Variants in MACROD2 observed in about 807,000 individuals in gnomAD.
The protein encoded by MACROD2 is ADP-ribose glycohydrolase MACROD2.
Under a neutral mutation model 70.4 loss-of-function variants are expected in MACROD2, and 36 were observed. That is an observed-to-expected ratio of 0.51 (90% CI 0.39 to 0.68). The LOEUF (loss-of-function observed/expected upper bound fraction) is 0.68. Among genes scored for constraint, MACROD2 ranks in the 30% least tolerant of loss-of-function variants. The probability of loss-of-function intolerance (pLI) is 0.00; values close to 1 mark genes in which losing one functional copy is unlikely to be tolerated. For synonymous variants in MACROD2, 172 were observed against 178.8 expected (o/e 0.96, Z 0.30); for missense variants, 496 against 538.4 (o/e 0.92, Z 0.78).
chr20:14,563,547 A>C (rs1053369380), intron 4 of MACROD2, among the ~76,000 whole-genome samples: 12 of 151,916 alleles, frequency 7.9e-5, no homozygotes, highest in African/African-American at 2.9e-4. Flanking sequence ...AAAATTAGTT[A>C]AACTTTTTAT....
chr20:15,473,754 C>T lies in MACROD2; in HGVS notation c.572-26020C>T, dbSNP rs533571939. 3.3e-5 allele frequency among the ~76,000 whole-genome samples: 5 copies of T among 152,334 alleles called. No individual in the cohort carries two copies. The South Asian group carries it at 1.0e-3, about 32-fold the overall frequency. On this transcript the variant is annotated intron_variant, in intron 7 of 17. Transcript: ENST00000684519. ...ATATCCATCCTGCTCTTAACAGCTT[C>T]CTGACTTGTTTCCTTTCTCTAGTCC...
intron 7 of MACROD2, among the ~76,000 whole-genome samples, chr20:15,448,517 C>T (rs368706687): frequency 6.6e-6 from 1 of 152,012 alleles, no homozygotes; most frequent in African/African-American, 2.4e-5. Flanking sequence ...TTTTCCTCAC[C>T]GTTATGTCCC....
chr20:14,892,435 C>T lies in MACROD2; in HGVS notation c.418+207476C>T, dbSNP rs1455192987. On this transcript the variant is annotated intron_variant, in intron 5 of 17. Transcript: ENST00000684519. ...GGTGGCAGTGACATTGCACTCCAGC[C>T]TCGGCAATAGAGTGAGACTCCATCT... Among the ~76,000 whole-genome samples, 7 of 151,964 alleles carry T rather than the reference C, an allele frequency of 4.6e-5. No individual in the cohort carries two copies. In the South Asian group the frequency reaches 1.2e-3, roughly 27 times the overall value.
chr20:14,315,436 A>G (rs145412692), intron 3 of MACROD2, among the ~76,000 whole-genome samples: 1 of 152,238 alleles, frequency 6.6e-6, no homozygotes, highest in African/African-American at 2.4e-5. Flanking sequence ...CAAATATTTT[A>G]TAAGTGTCCA....
chr20:15,229,817 A>T (rs557825457), intron 5 of MACROD2, 123 bp from the exon 6 acceptor site: 1 of 1,006,618 alleles, frequency 9.9e-7, no homozygotes, highest in African/African-American at 1.7e-5. Flanking sequence ...TCGCCAATGT[A>T]TTGCTTAGCT....
At chr20:14,145,996 G>A (rs2054937623) in intron 3 of MACROD2, among the ~76,000 whole-genome samples, 1 of 151,930 alleles carries the variant, frequency 6.6e-6, no homozygotes, top group Admixed American at 6.6e-5. Flanking sequence ...TCCTTTTTTT[G>A]TAAGACTGGT....
chr20:14,156,211 G>T (rs1010158810), intron 3 of MACROD2, among the ~76,000 whole-genome samples: 3 of 152,082 alleles, frequency 2.0e-5, no homozygotes, highest in African/African-American at 7.2e-5. Flanking sequence ...GATCATCTCT[G>T]TTTTTAAAAA....
intron 3 of MACROD2, among the ~76,000 whole-genome samples, chr20:14,185,376 C>T (rs187814405): frequency 7.6e-4 from 116 of 152,244 alleles, no homozygotes; most frequent in African/African-American, 2.7e-3. Context: ...AGCTACGTTT[C>T]TCCTCAGTGT....
intron 3 of MACROD2, among the ~76,000 whole-genome samples, chr20:14,426,122 G>A (rs1185203162): frequency 1.3e-5 from 2 of 151,932 alleles, no homozygotes; most frequent in Non-Finnish European, 2.9e-5. Flanking sequence ...GTTCTCCCTG[G>A]GGAATTGTCT....
chr20:15,734,652 C>T (rs1332309958), intron 8 of MACROD2, among the ~76,000 whole-genome samples: 2 of 152,132 alleles, frequency 1.3e-5, no homozygotes, highest in Non-Finnish European at 2.9e-5. Flanking sequence ...AAACAAAAAT[C>T]ATCTTCAACA....
At chr20:14,646,844 A>G (rs983858770) in intron 4 of MACROD2, among the ~76,000 whole-genome samples, 4 of 152,078 alleles carry the variant, frequency 2.6e-5, no homozygotes, top group Non-Finnish European at 5.9e-5. Flanking sequence ...TTTCTTTACC[A>G]TGTCGACTTC....
chr20:14,048,034 A>G (rs759661954), intron 2 of MACROD2, among the ~76,000 whole-genome samples: 1 of 151,658 alleles, frequency 6.6e-6, no homozygotes, highest in Non-Finnish European at 1.5e-5. Flanking sequence ...TGCACTGGAT[A>G]CTAAGGAAGA....
chr20:14,616,343 A>G (rs1489248746), intron 4 of MACROD2, among the ~76,000 whole-genome samples: 2 of 152,078 alleles, frequency 1.3e-5, no homozygotes, highest in African/African-American at 4.8e-5. Flanking sequence ...TCCACCTTCT[A>G]TCTTCCTTCT....
intron 2 of MACROD2, among the ~76,000 whole-genome samples, chr20:14,063,570 TTAACA>T (rs758351230): frequency 1.8e-4 from 27 of 152,358 alleles, no homozygotes; most frequent in Middle Eastern, 3.4e-3. Context: ...ACGTAAGTAC[TTAACA>T]TAAACTTTGT....
chr20:14,358,205 A>G (rs1361900618), intron 3 of MACROD2, among the ~76,000 whole-genome samples: 2 of 152,208 alleles, frequency 1.3e-5, no homozygotes, highest in Non-Finnish European at 2.9e-5. Context: ...TTACATATAT[A>G]TAGGATAAAG....
chr20:15,249,779 A>G (rs1237638721), intron 6 of MACROD2, among the ~76,000 whole-genome samples: 1 of 152,228 alleles, frequency 6.6e-6, no homozygotes, highest in Non-Finnish European at 1.5e-5. Flanking sequence ...CAGAATGACA[A>G]TCCATGTGGA....
In MACROD2 at chr20:15,329,144, CTTCT is replaced by C. The variant is rs2077964415; in HGVS notation, c.540+99086_540+99089del. Among the ~76,000 whole-genome samples the C allele has an allele frequency of 2.0e-5, 3 of 152,102 alleles. No homozygotes were observed. In the South Asian group the frequency reaches 6.2e-4, roughly 32 times the overall value. On this transcript the variant is annotated intron_variant, in intron 6 of 17. Transcript: ENST00000684519. ...AGTCTATTCGATTGTGTAAAATATTCTTCTTTATGTTCCTCTGTATTTACCCTTC... is the reference window on the plus strand; with the variant it reads ...AGTCTATTCGATTGTGTAAAATATTCTTATGTTCCTCTGTATTTACCCTTC...
chr20:14,827,228 A>C (rs540950531), intron 5 of MACROD2, among the ~76,000 whole-genome samples: 9 of 152,232 alleles, frequency 5.9e-5, no homozygotes, highest in Admixed American at 3.9e-4. Context: ...GCATCAAATG[A>C]CTTATTGAAC....
chr20:14,593,313 C>A (rs1202215939), intron 4 of MACROD2, among the ~76,000 whole-genome samples: 1 of 152,064 alleles, frequency 6.6e-6, no homozygotes, highest in Admixed American at 6.5e-5. Flanking sequence ...TGAAATGTAT[C>A]TGTGCAAGTA....
Sources: gnomAD v4.1 joint callset for allele counts (sites outside exome capture counted in the v4.1 genomes callset) on GRCh38, gnomAD v4.1.1 for gene constraint, MANE v1.5 for transcripts, NCBI Gene and HGNC (gene_info 2026-07-23, HGNC 2026-07-21) for gene names.